Variants in TNRC6A observed in about 807,000 individuals in gnomAD.
The protein encoded by TNRC6A is trinucleotide repeat containing adaptor 6A, also known as trinucleotide repeat-containing gene 6A protein.
Under a neutral mutation model 221.2 loss-of-function variants are expected in TNRC6A, and 44 were observed. The observed-to-expected ratio is 0.20, with a 90% confidence interval of 0.16 to 0.26. The LOEUF (loss-of-function observed/expected upper bound fraction) is 0.26. TNRC6A is among the 10% of genes least tolerant of loss of function. The probability of loss-of-function intolerance (pLI) is 1.00; values close to 1 mark genes in which losing one functional copy is unlikely to be tolerated. For synonymous variants in TNRC6A, 847 were observed against 838.5 expected, an observed-to-expected ratio of 1.01 and a Z score of -0.18; for missense variants, 2,199 against 2,404.4, an observed-to-expected ratio of 0.91 and a Z score of 1.79.
chr16:24,758,412 T>A (rs1353494165), intron 4 of TNRC6A, 52 bp downstream of exon 4: 1 of 1,577,644 alleles, frequency 6.3e-7, no homozygotes, highest in Non-Finnish European at 8.7e-7. Context: ...AGCAAGGTTG[T>A]TTATGTGCAT....
At position 24,809,496 on chromosome 16, in the gene TNRC6A, T is replaced by C; in HGVS notation, c.4672+15T>C. On this transcript the variant is annotated intron_variant, in intron 18 of 24. Transcript: ENST00000395799. ...CAGCAAACATGGTACAAAAGATACA[T>C]CTTACCAAAAAAAAAAAAAAAACAC... The C allele has an allele frequency of 7.4e-7, 1 of 1,355,816 alleles. No individual in the cohort carries two copies. 84.0% of individuals were successfully genotyped at this position (1,355,816 alleles called of 1,614,324 possible).
Position 24,791,182 on chromosome 16 carries a change from A to C in TNRC6A, c.2540A>C (p.Gln847Pro). Residue 847 changes from glutamine to proline, a missense_variant, in exon 6 of 25, where the codon CAA (glutamine) becomes CCA (proline). By Grantham distance (76) the Gln-to-Pro change is moderately conservative. This residue lies in a region of TNRC6A where 1,405 missense variants were observed against 1,400.2 expected (regional missense o/e 1.00). Transcript: ENST00000395799. ...QGWGDGQKSS[Q>P]GWSVSASDNW... ...TGGGGTGATGGACAAAAATCAAGCCAAGGGTGGTCTGTTTCTGCCAGTGAT... is the reference window on the plus strand; with the variant it reads ...TGGGGTGATGGACAAAAATCAAGCCCAGGGTGGTCTGTTTCTGCCAGTGAT... The C allele has an allele frequency of 6.2e-7, 1 of 1,614,164 alleles. No individual in the cohort carries two copies.
At chr16:24,721,523 G>GGGCCAGGTGCCATGC (rs1416381650) in intron 2 of TNRC6A, among the ~76,000 whole-genome samples, 12 of 152,134 alleles carry the variant, frequency 7.9e-5, no homozygotes, top group Non-Finnish European at 1.6e-4. Flanking sequence ...AATGATAGTA[G>GGGCCAGGTGCCATGC]GGCCAGGTGC....
At chr16:24,688,748 T>A (rs897330124) in intron 2 of TNRC6A, among the ~76,000 whole-genome samples, 5 of 152,150 alleles carry the variant, frequency 3.3e-5, no homozygotes, top group African/African-American at 1.2e-4. Context: ...GCTTTCTCTC[T>A]ATGAGCCTAG....
chr16:24,619,272 C>G (rs1900542166), intron 1 of TNRC6A, among the ~76,000 whole-genome samples: 1 of 152,154 alleles, frequency 6.6e-6, no homozygotes, highest in Non-Finnish European at 1.5e-5. Flanking sequence ...GGGTCTCACT[C>G]TCAGAGATTA....
rs2058830699 is a variant in TNRC6A at position 24,824,240 on chromosome 16, G to A, written c.*433G>A. On this transcript the variant is annotated 3_prime_UTR_variant, in exon 25 of 25. Transcript: ENST00000395799. The stretch of plus-strand genomic sequence containing the variant: ...TCTCTCCGTCTCATCGGCAGTATGG[G>A]GGGCAGCTGTCCCAGTGTCAATGTT... 6.7e-6 allele frequency: 1 copy of A among 150,102 alleles called. No individual in the cohort carries two copies. Among genetic ancestry groups the A allele is most frequent in the Admixed American group, 6.9e-5 (1 of 14,532 alleles). The allele number at this position is 150,102 out of a possible 1,614,324, so 9.3% of individuals were successfully genotyped here.
intron 16 of TNRC6A, 29 bp from the exon 17 acceptor site, chr16:24,806,545 A>AT: frequency 6.2e-7 from 1 of 1,611,754 alleles, no homozygotes; most frequent in Non-Finnish European, 8.5e-7. Context: ...TCCCCCAGTA[A>AT]TTTTTTCCAA....
At chr16:24,785,157 C>G (rs181034538) in intron 5 of TNRC6A, among the ~76,000 whole-genome samples, 77 of 152,318 alleles carry the variant, frequency 5.1e-4, no homozygotes, top group Non-Finnish European at 1.0e-3. Flanking sequence ...TCAAAGTGCT[C>G]TCTGGCAATG....
At position 24,822,012 on chromosome 16, in the gene TNRC6A, T is replaced by A. The variant is rs1048815287; in HGVS notation, c.5303-65T>A. 12 of 1,484,424 alleles carry A rather than the reference T, an allele frequency of 8.1e-6. No homozygotes were observed. In the African/African-American group the frequency reaches 1.2e-4, roughly 15 times the overall value. The allele number at this position is 1,484,424 out of a possible 1,614,324, so 92.0% of individuals were successfully genotyped here. On this transcript the variant is annotated intron_variant, in intron 22 of 24. Transcript: ENST00000395799. ...GAAGTCAAGAGGCCAGGTGATCTGCTAAGTAACTGTAGTTGGGCTCTTTCA... is the reference window on the plus strand; with the variant it reads ...GAAGTCAAGAGGCCAGGTGATCTGCAAAGTAACTGTAGTTGGGCTCTTTCA...
At chr16:24,655,435 T>C (rs955595208) in intron 2 of TNRC6A, among the ~76,000 whole-genome samples, 2 of 152,252 alleles carry the variant, frequency 1.3e-5, no homozygotes, top group Non-Finnish European at 2.9e-5. Context: ...ATGCCTGTAA[T>C]CCCAGCACTT....
chr16:24,798,758 G>A (rs575766194), intron 11 of TNRC6A, among the ~76,000 whole-genome samples: 1 of 152,268 alleles, frequency 6.6e-6, no homozygotes, highest in African/African-American at 2.4e-5. Flanking sequence ...AACTTACCTG[G>A]ACAGTTTAGT....
At chr16:24,807,353 A>G (rs543130136) in intron 17 of TNRC6A, among the ~76,000 whole-genome samples, 2 of 152,356 alleles carry the variant, frequency 1.3e-5, no homozygotes. Context: ...AAAGTGCATT[A>G]GAATAAAGGA....
intron 2 of TNRC6A, among the ~76,000 whole-genome samples, chr16:24,744,375 G>GT (rs2056956782): frequency 6.6e-6 from 1 of 152,074 alleles, no homozygotes; most frequent in Non-Finnish European, 1.5e-5. Context: ...TAAATGTCTT[G>GT]TTTTCTCATC....
At chr16:24,671,672 T>C (rs553502048) in intron 2 of TNRC6A, among the ~76,000 whole-genome samples, 33 of 152,230 alleles carry the variant, frequency 2.2e-4, no homozygotes, top group African/African-American at 7.5e-4. Flanking sequence ...GAATCCAAAA[T>C]GTGAGATGTT....
At chr16:24,682,678 TAGAG>T (rs2055555541) in intron 2 of TNRC6A, among the ~76,000 whole-genome samples, 2 of 152,030 alleles carry the variant, frequency 1.3e-5, no homozygotes, top group African/African-American at 4.8e-5. Context: ...GAGAAGCCTA[TAGAG>T]AGAGGGCCAC....
intron 2 of TNRC6A, among the ~76,000 whole-genome samples, chr16:24,677,068 T>C (rs1038474011): frequency 2.6e-5 from 4 of 152,220 alleles, no homozygotes; most frequent in Admixed American, 6.5e-5. Context: ...CTGAACATCA[T>C]CTGGTTGTCC....
intron 2 of TNRC6A, among the ~76,000 whole-genome samples, chr16:24,644,931 T>A (rs920424416): frequency 6.6e-6 from 1 of 152,098 alleles, no homozygotes; most frequent in Non-Finnish European, 1.5e-5. Flanking sequence ...AAATTTGTAA[T>A]GAGATATATT....
chr16:24,648,563 C>G (rs764336546), intron 2 of TNRC6A, among the ~76,000 whole-genome samples: 15 of 152,152 alleles, frequency 9.9e-5, no homozygotes, highest in African/African-American at 1.7e-4. Flanking sequence ...AGCCACCGCG[C>G]CCGGCCCACA....
intron 1 of TNRC6A, among the ~76,000 whole-genome samples, chr16:24,628,571 C>T (rs1216536706): frequency 7.2e-5 from 11 of 152,052 alleles, no homozygotes; most frequent in African/African-American, 9.7e-5. Flanking sequence ...CTGAAGATGA[C>T]GAAGATGAAG....
Sources: gnomAD v4.1 joint callset for allele counts (sites outside exome capture counted in the v4.1 genomes callset) on GRCh38, gnomAD v4.1.1 for gene constraint, gnomAD v4.1.1 regional missense constraint, MANE v1.5 for transcripts, NCBI Gene and HGNC (gene_info 2026-07-23, HGNC 2026-07-21) for gene names.